The following CELF2 variants were observed in gnomAD, a reference collection of about 807,000 sequenced individuals.
The protein encoded by CELF2 is CUGBP Elav-like family member 2.
Under a neutral mutation model 62.6 loss-of-function variants are expected in CELF2, and 8 were observed. The observed-to-expected ratio is 0.13, with a 90% confidence interval of 0.07 to 0.23. The LOEUF is 0.23. CELF2 is among the 10% of genes least tolerant of loss of function. CELF2 has a pLI of 1.00. For missense variants in CELF2, 333 were observed against 671.0 expected, an observed-to-expected ratio of 0.50 and a Z score of 5.56; for synonymous variants, 258 against 250.0, an observed-to-expected ratio of 1.03 and a Z score of -0.30.
the CELF2 span, among the ~76,000 whole-genome samples, chr10:10,513,766 A>G: frequency 6.6e-6 from 1 of 152,246 alleles, no homozygotes; most frequent in African/African-American, 2.4e-5. Context: ...CTTACAGACC[A>G]TGCCACATTC....
At chr10:10,564,344 T>C in the CELF2 span, among the ~76,000 whole-genome samples, 1 of 152,138 alleles carries the variant, frequency 6.6e-6, no homozygotes, top group African/African-American at 2.4e-5. Flanking sequence ...CAGGAAGAGC[T>C]GGGTGGAGTC....
the CELF2 span, among the ~76,000 whole-genome samples, chr10:10,563,669 G>T: frequency 6.6e-6 from 1 of 151,712 alleles, no homozygotes; most frequent in Non-Finnish European, 1.5e-5. Context: ...TGCTGATGGC[G>T]GGGTGGGATT....
At chr10:11,034,456 AT>A (rs199562787) in intron 1 of CELF2, among the ~76,000 whole-genome samples, 2 of 150,200 alleles carry the variant, frequency 1.3e-5, no homozygotes, top group African/African-American at 4.9e-5. Flanking sequence ...GTTAATTTTT[AT>A]TTTTTTTGCT....
Position 11,018,567 on chromosome 10 carries a change from C to T in CELF2, c.74+404C>T, listed in dbSNP as rs1404791984. On this transcript the variant is annotated intron_variant, in intron 1 of 12. Coordinates refer to ENST00000633077, the MANE Select transcript of CELF2 (RefSeq NM_001326342.2). ...GGCGTCCCGGGGTCCGGGCGGGGTC[C>T]ATGAGTCCAAGTGGGACCGGCGAGC... Among the ~76,000 whole-genome samples the T allele has an allele frequency of 2.7e-5, 4 of 148,096 alleles. No individual in the cohort carries two copies. The East Asian group carries it at 8.1e-4, about 30-fold the overall frequency.
intron 1 of CELF2, among the ~76,000 whole-genome samples, chr10:11,036,665 A>G (rs896671437): frequency 6.6e-6 from 1 of 152,120 alleles, no homozygotes; most frequent in African/African-American, 2.4e-5. Flanking sequence ...CCTCAGACCA[A>G]TCTCCTATGG....
At chr10:10,749,044 T>C in the CELF2 span, among the ~76,000 whole-genome samples, 1 of 152,186 alleles carries the variant, frequency 6.6e-6, no homozygotes, top group Admixed American at 6.5e-5. Context: ...CCAGGTAGTA[T>C]TTTTGCTTTA....
At chr10:11,108,845 C>T (rs563876555) in intron 1 of CELF2, among the ~76,000 whole-genome samples, 31 of 152,334 alleles carry the variant, frequency 2.0e-4, no homozygotes, top group Non-Finnish European at 4.0e-4. Flanking sequence ...TTTCCCTTCT[C>T]TCAATTACCT....
Position 10,947,498 on chromosome 10 carries a change from G to A in CELF2, c.89+27499G>A, listed in dbSNP as rs1170269624. ...GTAGCATGAAACATCATTTGTAACTGGTGATGGTCAGATTAACATTCCCCG... is the reference window on the plus strand; with the variant it reads ...GTAGCATGAAACATCATTTGTAACTAGTGATGGTCAGATTAACATTCCCCG... On this transcript the variant is annotated intron_variant, in intron 2 of 13. Transcript: ENST00000636488. The surrounding 1 kb of genome is among the most constrained non-coding windows in gnomAD (Gnocchi z 4.1). 6.6e-6 allele frequency: 1 copy of A among 152,632 alleles called. No individual in the cohort carries two copies. The highest frequency in any genetic ancestry group is 2.4e-5 in the African/African-American group (1 of 41,452). The allele number at this position is 152,632 out of a possible 1,614,324, so 9.5% of individuals were successfully genotyped here.
At chr10:11,079,475 G>A (rs750383563) in intron 1 of CELF2, among the ~76,000 whole-genome samples, 8 of 152,152 alleles carry the variant, frequency 5.3e-5, no homozygotes, top group Non-Finnish European at 1.0e-4. Flanking sequence ...AGGTGAAGAC[G>A]ATTGAATTAT....
chr10:10,732,804 G>A, the CELF2 span, among the ~76,000 whole-genome samples: 8 of 152,106 alleles, frequency 5.3e-5, no homozygotes, highest in Admixed American at 2.6e-4. Flanking sequence ...GATTACAGGC[G>A]TGAGCCACCA....
chr10:10,690,645 T>C, the CELF2 span, among the ~76,000 whole-genome samples: 2,675 of 152,188 alleles, frequency 0.018, 40 homozygotes, highest in African/African-American at 0.043. Flanking sequence ...TTTGGGAGGC[T>C]GAGGTGGGCA....
At chr10:11,288,646 G>C in intron 9 of CELF2, 94 bp downstream of exon 9, 1 of 1,403,906 alleles carries the variant, frequency 7.1e-7, no homozygotes, top group Non-Finnish European at 9.7e-7. Context: ...GGCTAGACGT[G>C]TCCAGGATGG....
chr10:11,196,267 A>T (rs1358686418), intron 2 of CELF2, among the ~76,000 whole-genome samples: 1 of 152,262 alleles, frequency 6.6e-6, no homozygotes, highest in African/African-American at 2.4e-5. Flanking sequence ...AACTTGCTGC[A>T]GGCAGCTTAG....
upstream of CELF2, among the ~76,000 whole-genome samples, chr10:11,004,642 A>G (rs1490304799): frequency 6.6e-6 from 1 of 152,122 alleles, no homozygotes; most frequent in Non-Finnish European, 1.5e-5. This position sits in a 1 kb window ranked among gnomAD's most constrained non-coding sequence, Gnocchi z 5.0. Context: ...CCACCAAACA[A>G]TCTTTGCATT....
chr10:10,842,777 TTTGATATTAGAATAA>T, intron 1 of CELF2, among the ~76,000 whole-genome samples: 1 of 152,052 alleles, frequency 6.6e-6, no homozygotes, highest in Non-Finnish European at 1.5e-5. Context: ...TTAATTTGGC[TTTGATATTAGAATAA>T]TGCTGGCCTC....
intron 1 of CELF2, among the ~76,000 whole-genome samples, chr10:10,888,849 C>T (rs1357656727): frequency 2.6e-5 from 4 of 152,178 alleles, no homozygotes; most frequent in East Asian, 1.9e-4. Flanking sequence ...TCTTTCATAA[C>T]TGATTCGTTA....
At chr10:10,949,473 T>G (rs2135682621) in intron 2 of CELF2, among the ~76,000 whole-genome samples, 1 of 152,092 alleles carries the variant, frequency 6.6e-6, no homozygotes, top group African/African-American at 2.4e-5. Flanking sequence ...CAGGAATGCA[T>G]TAAGTTTTGT....
intron 1 of CELF2, among the ~76,000 whole-genome samples, chr10:10,910,166 C>A (rs1027562241): frequency 6.6e-6 from 1 of 152,162 alleles, no homozygotes; most frequent in African/African-American, 2.4e-5. Flanking sequence ...AAATAGGCAT[C>A]CTTTTAAACG....
intron 2 of CELF2, among the ~76,000 whole-genome samples, chr10:11,171,713 T>C (rs1295218746): frequency 3.3e-5 from 5 of 152,198 alleles, no homozygotes. Flanking sequence ...GAATGAGCCT[T>C]GCTTTCTTTA....
Sources: allele counts gnomAD v4.1 joint callset (sites outside exome capture counted in the v4.1 genomes callset), GRCh38; gene constraint gnomAD v4.1.1; non-coding constraint Gnocchi (gnomAD v3.1); transcripts MANE v1.5; gene names NCBI Gene and HGNC (gene_info 2026-07-23, HGNC 2026-07-21).